The following LRRC8B variants were observed in gnomAD, a reference collection of about 807,000 sequenced individuals.
LRRC8B encodes volume-regulated anion channel subunit LRRC8B.
A neutral mutation model predicts 58.8 loss-of-function variants in LRRC8B; 23 were observed. That is an observed-to-expected ratio of 0.39 (90% CI 0.28 to 0.55). The LOEUF (loss-of-function observed/expected upper bound fraction) is 0.55, where lower values mean the gene tolerates loss of function less well. Among genes scored for constraint, LRRC8B ranks in the 20% least tolerant of loss-of-function variants. LRRC8B has a pLI of 0.62. For synonymous variants in LRRC8B, 359 were observed against 374.1 expected (o/e 0.96, Z 0.47); for missense variants, 694 against 936.0 (o/e 0.74, Z 3.37).
chr1:89,541,494 G>A (rs1341118378), intron 1 of LRRC8B, among the ~76,000 whole-genome samples: 1 of 151,468 alleles, frequency 6.6e-6, no homozygotes, highest in Non-Finnish European at 1.5e-5. Flanking sequence ...GGCGGATCAC[G>A]AGGTCAGGAG....
intron 1 of LRRC8B, among the ~76,000 whole-genome samples, chr1:89,563,119 G>A (rs374481603): frequency 1.3e-5 from 2 of 152,036 alleles, no homozygotes; most frequent in African/African-American, 4.8e-5. Context: ...TCATTTTAAA[G>A]CAATAAGAAC....
intron 1 of LRRC8B, among the ~76,000 whole-genome samples, chr1:89,559,903 A>G (rs1652492857): frequency 6.6e-6 from 1 of 152,160 alleles, no homozygotes; most frequent in African/African-American, 2.4e-5. Flanking sequence ...TTTCTAAGGA[A>G]ACCTACACCA....
Position 89,592,897 on chromosome 1 carries a change from A to G in LRRC8B, c.2266A>G (p.Ile756Val), listed in dbSNP as rs1218034191. 3 of 1,614,110 alleles carry G rather than the reference A, an allele frequency of 1.9e-6. No homozygotes were observed. The highest frequency in any genetic ancestry group is 2.5e-6 in the Non-Finnish European group (3 of 1,180,004). Residue 756 changes from isoleucine to valine, a missense_variant, in exon 6 of 6, where the codon ATT (isoleucine) becomes GTT (valine). Ile to Val is a conservative substitution (Grantham distance 29). Coordinates refer to ENST00000330947, the MANE Select transcript of LRRC8B (RefSeq NM_001369817.2). The part of the protein sequence containing the change: ...ELSNLTHLEL[I>V]GNYLETLPPE... The stretch of plus-strand genomic sequence containing the variant: ...GTCAAACCTTACTCATCTGGAGCTC[A>G]TTGGTAATTACCTGGAAACACTTCC...
intron 1 of LRRC8B, among the ~76,000 whole-genome samples, chr1:89,562,873 A>T (rs1188235486): frequency 6.6e-6 from 1 of 152,156 alleles, no homozygotes; most frequent in Non-Finnish European, 1.5e-5. Context: ...CCAGGGAAGG[A>T]TGTACCCTTC....
At chr1:89,575,643 T>C (rs1179455496) in intron 3 of LRRC8B, among the ~76,000 whole-genome samples, 1 of 152,222 alleles carries the variant, frequency 6.6e-6, no homozygotes, top group East Asian at 1.9e-4. Flanking sequence ...GGAAAGGCTC[T>C]ATCACCCTGA....
Position 89,530,328 on chromosome 1 carries a change from C to A in LRRC8B, c.-241+5306C>A, listed in dbSNP as rs1650027299. On this transcript the variant is annotated intron_variant, in intron 1 of 5. Transcript: ENST00000330947. ...GAGCCGAGATTGTGCCACTGCACTC[C>A]AGCCTGGGCGACAGAGCAAGACTCT... 4.6e-5 allele frequency among the ~76,000 whole-genome samples: 7 copies of A among 151,686 alleles called. No individual in the cohort carries two copies. The South Asian group carries it at 1.5e-3, about 32-fold the overall frequency.
intron 1 of LRRC8B, among the ~76,000 whole-genome samples, chr1:89,543,324 A>G (rs1203615377): frequency 2.6e-5 from 4 of 152,232 alleles, no homozygotes; most frequent in Non-Finnish European, 4.4e-5. Context: ...TCAAAGTAAC[A>G]TAAGTCTAAG....
rs1655094307 is a variant in LRRC8B at position 89,593,073 on chromosome 1, T to C, written c.*30T>C. ...AAGAAAAGAGACCCGTGTTTCAAAA[T>C]CATTTTTAAAAGTATGCTCGGCCGG... On this transcript the variant is annotated 3_prime_UTR_variant, in exon 6 of 6. Coordinates refer to ENST00000330947, the MANE Select transcript of LRRC8B (RefSeq NM_001369817.2). 6.2e-7 allele frequency: 1 copy of C among 1,602,394 alleles called. No homozygotes were observed. Among genetic ancestry groups the C allele is most frequent in the Non-Finnish European group, 8.5e-7 (1 of 1,172,118 alleles).
intron 5 of LRRC8B, among the ~76,000 whole-genome samples, chr1:89,589,252 C>T (rs1654823814): frequency 6.6e-6 from 1 of 152,174 alleles, no homozygotes; most frequent in Admixed American, 6.5e-5. Context: ...TCTGAAGTTT[C>T]CTGGCAAGGG....
chr1:89,561,267 A>G (rs1020478974), intron 1 of LRRC8B, among the ~76,000 whole-genome samples: 12 of 148,184 alleles, frequency 8.1e-5, no homozygotes, highest in African/African-American at 2.7e-4. Context: ...GTTTGAGTTC[A>G]CTGTAGATTC....
At chr1:89,559,999 T>C (rs1652498916) in intron 1 of LRRC8B, among the ~76,000 whole-genome samples, 1 of 152,178 alleles carries the variant, frequency 6.6e-6, no homozygotes, top group Non-Finnish European at 1.5e-5. Context: ...ATTCCCTAGC[T>C]CCAATCACAG....
At chr1:89,582,230 A>AAAAGAAAG (rs113479814) in intron 4 of LRRC8B, among the ~76,000 whole-genome samples, 101 of 150,222 alleles carry the variant, frequency 6.7e-4, no homozygotes, top group Non-Finnish European at 1.0e-3. Context: ...AAGGAAGAAA[A>AAAAGAAAG]AAAGAAAGAA....
At chr1:89,535,884 G>C (rs993795742) in intron 1 of LRRC8B, among the ~76,000 whole-genome samples, 1 of 152,138 alleles carries the variant, frequency 6.6e-6, no homozygotes, top group Non-Finnish European at 1.5e-5. Flanking sequence ...TCCTAAGCTA[G>C]ATTTGGGATT....
At chr1:89,572,084 G>A (rs1653514417) in intron 3 of LRRC8B, among the ~76,000 whole-genome samples, 1 of 152,130 alleles carries the variant, frequency 6.6e-6, no homozygotes, top group African/African-American at 2.4e-5. Context: ...GAATCTGGGT[G>A]TTCCTATGCT....
intron 1 of LRRC8B, among the ~76,000 whole-genome samples, chr1:89,551,614 T>A (rs565681687): frequency 1.6e-4 from 25 of 152,300 alleles, no homozygotes; most frequent in Non-Finnish European, 3.1e-4. Flanking sequence ...GAATTCTCCC[T>A]GTCAAGAGAA....
intron 1 of LRRC8B, among the ~76,000 whole-genome samples, chr1:89,563,176 T>C (rs1227457660): frequency 6.6e-6 from 1 of 152,150 alleles, no homozygotes; most frequent in Non-Finnish European, 1.5e-5. Flanking sequence ...GTTTTATATA[T>C]ATATATGTAA....
chr1:89,551,768 C>T (rs750227069), intron 1 of LRRC8B, among the ~76,000 whole-genome samples: 6 of 152,156 alleles, frequency 3.9e-5, no homozygotes, highest in Non-Finnish European at 7.3e-5. Context: ...ACTTTTGGTG[C>T]GTCCACAGAC....
chr1:89,588,358 A>G (rs1654769627), intron 5 of LRRC8B, among the ~76,000 whole-genome samples: 1 of 152,246 alleles, frequency 6.6e-6, no homozygotes, highest in African/African-American at 2.4e-5. Context: ...GTGCTTCTCC[A>G]AGGAGAGATG....
At chr1:89,532,008 C>G (rs1247315297) in intron 1 of LRRC8B, among the ~76,000 whole-genome samples, 1 of 152,048 alleles carries the variant, frequency 6.6e-6, no homozygotes, top group Non-Finnish European at 1.5e-5. Context: ...ATTTGCAGTT[C>G]CTCCCTCAGT....
Sources: allele counts gnomAD v4.1 joint callset (sites outside exome capture counted in the v4.1 genomes callset), GRCh38; gene constraint gnomAD v4.1.1; transcripts MANE v1.5; gene names NCBI Gene and HGNC (gene_info 2026-07-23, HGNC 2026-07-21).